ALK: variants seen among roughly 807,000 people sequenced by gnomAD.
ALK encodes the protein ALK tyrosine kinase receptor.
A neutral mutation model predicts 163.1 loss-of-function variants in ALK; 74 were observed. The ratio of observed to expected loss-of-function variants is 0.45; its 90% CI spans 0.38 to 0.55. ALK has a LOEUF of 0.55. ALK is among the 20% of genes least tolerant of loss of function. The pLI is 0.00. For missense variants in ALK, 2,063 were observed against 2,105.3 expected (o/e 0.98, Z 0.39); for synonymous variants, 960 against 843.2 (o/e 1.14, Z -2.40).
intron 4 of ALK, among the ~76,000 whole-genome samples, chr2:29,410,365 ACCTTCTGCCTTTGCTTCAAGTTGTCCCG>A (rs1325825170): frequency 1.3e-5 from 2 of 152,224 alleles, no homozygotes; most frequent in Admixed American, 1.3e-4. Context: ...GCTCCTGCCC[ACCTTCTGCCTTTGCTTCAAGTTGTCCCG>A]CCTTTCTAGA....
Position 29,193,464 on chromosome 2 carries a change from G to C in ALK, c.4623C>G (p.Val1541=), listed in dbSNP as rs774860532. The change falls in exon 29 of 29, where the codon GTC becomes GTG. Residue 1541 remains valine, a synonymous_variant. Transcript: ENST00000389048. ...GNLGLEGSCT[V]PPNVATGRLP... The stretch of plus-strand genomic sequence containing the variant: ...GTCTCCCAGTTGCAACGTTAGGTGG[G>C]ACAGTACAGCTTCCCTCCAGCCCCA... 3.1e-6 allele frequency: 5 copies of C among 1,614,052 alleles called. No individual in the cohort carries two copies. The African/African-American group carries it at 6.7e-5, about 22-fold the overall frequency.
At chr2:29,209,928 TG>T in intron 24 of ALK, 50 bp from the exon 25 acceptor site, 1 of 1,445,770 alleles carries the variant, frequency 6.9e-7, no homozygotes, top group Non-Finnish European at 9.7e-7. Context: ...GGAAGATGAG[TG>T]TACAACGGCC....
chr2:29,475,922 G>A (rs1671508255), intron 4 of ALK, among the ~76,000 whole-genome samples: 1 of 152,218 alleles, frequency 6.6e-6, no homozygotes, highest in Non-Finnish European at 1.5e-5. Context: ...TGAGAACGGT[G>A]ACATCGAGTC....
chr2:29,341,623 C>CA (rs528057969), intron 5 of ALK, among the ~76,000 whole-genome samples: 18 of 151,202 alleles, frequency 1.2e-4, no homozygotes, highest in Non-Finnish European at 1.8e-4. Context: ...CTCCATCTCT[C>CA]AAAAAAAAAG....
intron 3 of ALK, among the ~76,000 whole-genome samples, chr2:29,638,777 A>G (rs1320945155): frequency 6.6e-6 from 1 of 152,122 alleles, no homozygotes; most frequent in Non-Finnish European, 1.5e-5. Flanking sequence ...ACTGAACCAC[A>G]GCACCCCCTC....
intron 4 of ALK, among the ~76,000 whole-genome samples, chr2:29,393,409 TCTCTCC>T (rs1210600880): frequency 1.1e-4 from 17 of 152,134 alleles, no homozygotes; most frequent in Non-Finnish European, 1.9e-4. Flanking sequence ...GAATGGTTAT[TCTCTCC>T]CTGCTGCCTT....
At chr2:29,913,189 G>T (rs1279878329) in intron 1 of ALK, among the ~76,000 whole-genome samples, 2 of 152,176 alleles carry the variant, frequency 1.3e-5, no homozygotes, top group Non-Finnish European at 1.5e-5. Flanking sequence ...CCCCAAGGGA[G>T]ATCTTCTCTG....
intron 1 of ALK, among the ~76,000 whole-genome samples, chr2:29,731,372 A>T (rs1291806348): frequency 6.6e-6 from 1 of 152,160 alleles, no homozygotes; most frequent in Non-Finnish European, 1.5e-5. Context: ...GTCCCCTTCA[A>T]TCATGGTGGC....
chr2:29,836,312 C>T (rs1213876703), intron 1 of ALK, among the ~76,000 whole-genome samples: 1 of 152,138 alleles, frequency 6.6e-6, no homozygotes, highest in African/African-American at 2.4e-5. Flanking sequence ...AGTGGTTGGA[C>T]ATAATAGAGA....
At chr2:29,901,849 T>C (rs1346299482) in intron 1 of ALK, among the ~76,000 whole-genome samples, 1 of 152,028 alleles carries the variant, frequency 6.6e-6, no homozygotes, top group Non-Finnish European at 1.5e-5. Context: ...CTGAAAGAAA[T>C]AGTTTATTGT....
intron 1 of ALK, among the ~76,000 whole-genome samples, chr2:29,806,059 G>C (rs1382205286): frequency 6.6e-6 from 1 of 152,242 alleles, no homozygotes; most frequent in Non-Finnish European, 1.5e-5. Context: ...CAGTAGGTAA[G>C]TAATTTCCAG....
intron 3 of ALK, among the ~76,000 whole-genome samples, chr2:29,535,148 T>C (rs972708132): frequency 6.6e-6 from 1 of 152,208 alleles, no homozygotes; most frequent in African/African-American, 2.4e-5. Context: ...AGGCAAAGTC[T>C]CCTGGGGTCC....
intron 1 of ALK, among the ~76,000 whole-genome samples, chr2:29,864,477 C>A (rs2148408509): frequency 6.6e-6 from 1 of 152,292 alleles, no homozygotes. Flanking sequence ...TACTTTTCTA[C>A]TTAGTGTTTT....
intron 1 of ALK, among the ~76,000 whole-genome samples, chr2:29,877,790 C>CT (rs144304755): frequency 0.024 from 3,603 of 152,286 alleles, 135 homozygotes; most frequent in African/African-American, 0.083. Context: ...AAAAGCGCTG[C>CT]TCCTTGTGGT....
chr2:29,917,665 A>G (rs565620475), intron 1 of ALK, among the ~76,000 whole-genome samples: 1 of 152,212 alleles, frequency 6.6e-6, no homozygotes. Context: ...TGCAGACAGC[A>G]TATGTCCTCA....
chr2:29,248,823 T>C (rs1043783693), intron 12 of ALK, among the ~76,000 whole-genome samples: 1 of 152,242 alleles, frequency 6.6e-6, no homozygotes, highest in Admixed American at 6.5e-5. Flanking sequence ...GTGTAGTTCA[T>C]CTGGCAGTCC....
intron 4 of ALK, among the ~76,000 whole-genome samples, chr2:29,460,188 T>C (rs988604499): frequency 2.6e-5 from 4 of 152,186 alleles, no homozygotes; most frequent in African/African-American, 9.6e-5. Flanking sequence ...TTAATATATT[T>C]TCTAAATTGG....
chr2:29,294,449 A>G (rs1666124272), intron 9 of ALK, among the ~76,000 whole-genome samples: 1 of 152,222 alleles, frequency 6.6e-6, no homozygotes, highest in Non-Finnish European at 1.5e-5. Flanking sequence ...TCATTATTAT[A>G]CTATAGTTAT....
At chr2:29,677,226 T>G (rs2148275630) in intron 3 of ALK, among the ~76,000 whole-genome samples, 1 of 113,536 alleles carries the variant, frequency 8.8e-6, no homozygotes, top group African/African-American at 3.5e-5. Context: ...CCCTCCCTTC[T>G]TCCTTCCTTC....
Sources: gnomAD v4.1 joint callset for allele counts (sites outside exome capture counted in the v4.1 genomes callset) on GRCh38, gnomAD v4.1.1 for gene constraint, MANE v1.5 for transcripts, NCBI Gene and HGNC (gene_info 2026-07-23, HGNC 2026-07-21) for gene names.